SEL1L2: variants seen among roughly 807,000 people sequenced by gnomAD.
The protein encoded by SEL1L2 is SEL1L2 adaptor subunit of SYVN1 ubiquitin ligase.
A neutral mutation model predicts 98.8 loss-of-function variants in SEL1L2; 89 were observed. The ratio of observed to expected loss-of-function variants is 0.90; its 90% CI spans 0.76 to 1.07. SEL1L2 has a LOEUF of 1.07. SEL1L2 is among the 50% of genes least tolerant of loss of function. The pLI is 0.00. For synonymous variants in SEL1L2, 262 were observed against 278.5 expected, an observed-to-expected ratio of 0.94 and a Z score of 0.59; for missense variants, 788 against 812.0, an observed-to-expected ratio of 0.97 and a Z score of 0.36.
chr20:13,895,516 T>C (rs1459714374), intron 5 of SEL1L2, among the ~76,000 whole-genome samples: 1 of 148,534 alleles, frequency 6.7e-6, no homozygotes, highest in Non-Finnish European at 1.5e-5. Context: ...ACAAAAGCCA[T>C]TGATGGATAA....
chr20:13,900,162 A>G (rs1001020848), intron 5 of SEL1L2, among the ~76,000 whole-genome samples: 1 of 152,198 alleles, frequency 6.6e-6, no homozygotes, highest in Non-Finnish European at 1.5e-5. Flanking sequence ...GGTCTAGTCA[A>G]GGCTCCTACC....
At chr20:13,865,132 C>T in intron 17 of SEL1L2, 35 bp downstream of exon 17, 2 of 1,537,526 alleles carry the variant, frequency 1.3e-6, no homozygotes, top group Non-Finnish European at 1.8e-6. Flanking sequence ...AGGACAGGGA[C>T]CGGGTATGTG....
intron 2 of SEL1L2, among the ~76,000 whole-genome samples, chr20:13,944,071 CCAGGG>C (rs1327326726): frequency 6.6e-6 from 1 of 152,132 alleles, no homozygotes; most frequent in South Asian, 2.1e-4. Flanking sequence ...TTGGGTCTCA[CCAGGG>C]ACCTGTCCCT....
chr20:13,915,308 A>G, intron 4 of SEL1L2: 1 of 1,172,760 alleles, frequency 8.5e-7, no homozygotes, highest in African/African-American at 1.6e-5. Flanking sequence ...GGAGTTCAGG[A>G]GATCAAGAAA....
At chr20:13,926,111 G>A (rs1019228707) in intron 3 of SEL1L2, among the ~76,000 whole-genome samples, 6 of 152,314 alleles carry the variant, frequency 3.9e-5, no homozygotes, top group African/African-American at 1.2e-4. Flanking sequence ...GAGGTCAGGA[G>A]ATTGAGACCA....
chr20:13,928,613 G>A (rs922710962), intron 3 of SEL1L2, among the ~76,000 whole-genome samples: 1 of 152,092 alleles, frequency 6.6e-6, no homozygotes, highest in Non-Finnish European at 1.5e-5. Context: ...TGCTAAATTT[G>A]GCCCATCTTG....
At chr20:13,861,379 C>T (rs1990112159) in intron 17 of SEL1L2, among the ~76,000 whole-genome samples, 1 of 151,872 alleles carries the variant, frequency 6.6e-6, no homozygotes, top group South Asian at 2.1e-4. Flanking sequence ...ATCCTGGGCT[C>T]AAGCGATCCT....
At chr20:13,859,867 CT>C (rs1201993010) in intron 17 of SEL1L2, among the ~76,000 whole-genome samples, 1 of 151,786 alleles carries the variant, frequency 6.6e-6, no homozygotes, top group Non-Finnish European at 1.5e-5. Context: ...GCCCGGCTAA[CT>C]TTTTTTTGCA....
chr20:13,978,073 TAG>T (rs2051633084), intron 1 of SEL1L2, among the ~76,000 whole-genome samples: 1 of 152,112 alleles, frequency 6.6e-6, no homozygotes, highest in Non-Finnish European at 1.5e-5. Context: ...AGAACAAAGC[TAG>T]AGACATCACA....
chr20:13,987,761 C>T (rs1182553647), intron 1 of SEL1L2, among the ~76,000 whole-genome samples: 1 of 152,124 alleles, frequency 6.6e-6, no homozygotes, highest in Admixed American at 6.5e-5. Context: ...CTTTCATGTG[C>T]TTGGTCATTT....
chr20:13,962,828 G>A (rs2148474697), intron 1 of SEL1L2, among the ~76,000 whole-genome samples: 1 of 152,260 alleles, frequency 6.6e-6, no homozygotes, highest in East Asian at 1.9e-4. Context: ...CACTTTGGGA[G>A]CCTGAGGCAG....
intron 1 of SEL1L2, among the ~76,000 whole-genome samples, chr20:13,960,687 G>A (rs1600933309): frequency 6.6e-6 from 1 of 151,938 alleles, no homozygotes; most frequent in South Asian, 2.1e-4. Flanking sequence ...GAGAAACATT[G>A]GTGATTGCTA....
intron 18 of SEL1L2, among the ~76,000 whole-genome samples, chr20:13,854,919 T>C (rs1988892185): frequency 1.3e-5 from 2 of 151,912 alleles, no homozygotes; most frequent in South Asian, 4.2e-4. Context: ...GGCATAGTGG[T>C]GCGTGCCTGT....
intron 1 of SEL1L2, among the ~76,000 whole-genome samples, chr20:13,982,829 T>G (rs374273835): frequency 6.6e-6 from 1 of 150,710 alleles, no homozygotes; most frequent in Non-Finnish European, 1.5e-5. Context: ...ACTGAGACCA[T>G]CCTGGCCAAC....
intron 17 of SEL1L2, among the ~76,000 whole-genome samples, chr20:13,862,135 T>C (rs1215228256): frequency 1.3e-5 from 2 of 152,220 alleles, no homozygotes; most frequent in Non-Finnish European, 2.9e-5. Context: ...GATAAATACA[T>C]ATAGAATGAA....
intron 18 of SEL1L2, among the ~76,000 whole-genome samples, chr20:13,853,788 A>C (rs1600446720): frequency 6.6e-6 from 1 of 152,354 alleles, no homozygotes; most frequent in Non-Finnish European, 1.5e-5. Flanking sequence ...CTTAATCACT[A>C]GGCCACAAAG....
At chr20:13,957,073 A>G (rs2050573425) in intron 1 of SEL1L2, among the ~76,000 whole-genome samples, 1 of 152,102 alleles carries the variant, frequency 6.6e-6, no homozygotes, top group South Asian at 2.1e-4. Context: ...GTTATTTCTG[A>G]CATAGTATTT....
At chr20:13,914,449 T>C (rs1363370956) in intron 4 of SEL1L2, among the ~76,000 whole-genome samples, 1 of 152,196 alleles carries the variant, frequency 6.6e-6, no homozygotes, top group Non-Finnish European at 1.5e-5. Context: ...AAACAGAATA[T>C]ATTCTTCAAC....
intron 12 of SEL1L2, among the ~76,000 whole-genome samples, chr20:13,870,541 C>T (rs1290013643): frequency 6.6e-6 from 1 of 152,126 alleles, no homozygotes; most frequent in East Asian, 1.9e-4. Flanking sequence ...TTGAAGAGTT[C>T]ACACGCTAGG....
Sources: gnomAD v4.1 joint callset for allele counts (sites outside exome capture counted in the v4.1 genomes callset) on GRCh38, gnomAD v4.1.1 for gene constraint, MANE v1.5 for transcripts, NCBI Gene and HGNC (gene_info 2026-07-23, HGNC 2026-07-21) for gene names.